Variants in SSBP3 observed in about 807,000 individuals in gnomAD.
SSBP3 encodes single stranded DNA binding protein 3, also known as single-stranded DNA-binding protein 3.
SSBP3 carries 5 observed loss-of-function variants against 69.6 expected under a neutral mutation model. The ratio of observed to expected loss-of-function variants is 0.07; its 90% CI spans 0.04 to 0.15. The LOEUF is 0.15. Among genes scored for constraint, SSBP3 ranks in the 10% least tolerant of loss-of-function variants. The pLI is 1.00. For missense variants in SSBP3, 312 were observed against 534.0 expected (o/e 0.58, Z 4.10); for synonymous variants, 196 against 193.4 (o/e 1.01, Z -0.11).
chr1:54,405,938 CA>C lies in SSBP3; in HGVS notation c.56+14del. 1 of 1,344,094 alleles carries C rather than the reference CA, an allele frequency of 7.4e-7. No individual in the cohort carries two copies. Among genetic ancestry groups the C allele is most frequent in the Non-Finnish European group, 9.7e-7 (1 of 1,030,354 alleles). 83.3% of individuals were successfully genotyped at this position (1,344,094 alleles called of 1,614,324 possible). A position where few individuals can be genotyped will look rare whatever the true frequency, so the allele number is the denominator to read the frequency against. ...CCGGCGGCGGCGCGGCCGCCACTTG[CA>C]AAATAGGGCTTACTTTTCCCGAGCC... On this transcript the variant is annotated intron_variant, in intron 1 of 17. Transcript: ENST00000610401.
At chr1:54,352,078 T>G (rs114222048) in intron 4 of SSBP3, among the ~76,000 whole-genome samples, 7,278 of 152,116 alleles carry the variant, frequency 0.048, 330 homozygotes, top group East Asian at 0.15. Context: ...GGAGGATCCC[T>G]TGAAGCCAGG....
exon 10 of SSBP3, chr1:54,243,282 C>T (rs1462775667): frequency 6.2e-7 from 1 of 1,613,858 alleles, no homozygotes; most frequent in East Asian, 2.2e-5. Context: ...GTGGTGGTCT[C>T]ATGCCGCTGC....
At chr1:54,343,929 G>C (rs1269605938) in intron 4 of SSBP3, among the ~76,000 whole-genome samples, 1 of 152,236 alleles carries the variant, frequency 6.6e-6, no homozygotes, top group African/African-American at 2.4e-5. Context: ...CGGAATTTTA[G>C]AAGAGGACAT....
At chr1:54,358,895 C>T (rs1322202785) in intron 4 of SSBP3, among the ~76,000 whole-genome samples, 1 of 152,152 alleles carries the variant, frequency 6.6e-6, no homozygotes, top group Non-Finnish European at 1.5e-5. Context: ...GGAAACAGGC[C>T]TGGGAACGCA....
chr1:54,267,102 A>C (rs1645115524), intron 5 of SSBP3, among the ~76,000 whole-genome samples: 1 of 152,186 alleles, frequency 6.6e-6, no homozygotes, highest in Non-Finnish European at 1.5e-5. Context: ...TTCACAAAGA[A>C]TTAGATCCTC....
chr1:54,319,123 G>A (rs1557527697), intron 4 of SSBP3, among the ~76,000 whole-genome samples: 1 of 152,216 alleles, frequency 6.6e-6, no homozygotes. Context: ...GGGACCTGCA[G>A]GTGCTTCTAC....
chr1:54,393,498 T>C (rs1172275756), intron 4 of SSBP3, among the ~76,000 whole-genome samples: 1 of 151,904 alleles, frequency 6.6e-6, no homozygotes, highest in Non-Finnish European at 1.5e-5. Context: ...GTAAGAAAAA[T>C]GACAGCACAG....
intron 11 of SSBP3, 38 bp downstream of exon 11, chr1:54,242,126 C>T (rs1644650100): frequency 6.2e-7 from 1 of 1,610,768 alleles, no homozygotes; most frequent in Non-Finnish European, 8.5e-7. Flanking sequence ...AGAACCGCTC[C>T]CCTGACAAAC....
intron 4 of SSBP3, among the ~76,000 whole-genome samples, chr1:54,325,990 C>CA (rs1282292328): frequency 6.8e-6 from 1 of 146,282 alleles, no homozygotes; most frequent in African/African-American, 2.5e-5. Flanking sequence ...GTCACACCTT[C>CA]ATGTGATGGC....
At chr1:54,299,338 C>G (rs775270431) in intron 4 of SSBP3, among the ~76,000 whole-genome samples, 1 of 152,154 alleles carries the variant, frequency 6.6e-6, no homozygotes, top group African/African-American at 2.4e-5. Context: ...GCGGCAGTCA[C>G]GGGGGCGTGC....
intron 5 of SSBP3, among the ~76,000 whole-genome samples, chr1:54,271,838 C>CA (rs1376548532): frequency 7.2e-5 from 11 of 152,112 alleles, no homozygotes; most frequent in Admixed American, 7.2e-4. Context: ...GGTGTGATTT[C>CA]AGCTCACTGC....
At chr1:54,295,125 T>C (rs1645682734) in intron 4 of SSBP3, among the ~76,000 whole-genome samples, 1 of 151,996 alleles carries the variant, frequency 6.6e-6, no homozygotes, top group South Asian at 2.1e-4. Flanking sequence ...AGTCCCTCAC[T>C]TGACATGAAA....
At chr1:54,350,176 C>T (rs1023795482) in intron 4 of SSBP3, among the ~76,000 whole-genome samples, 2 of 151,984 alleles carry the variant, frequency 1.3e-5, no homozygotes, top group Non-Finnish European at 2.9e-5. Flanking sequence ...AAGCCTTCAC[C>T]GCTGCTTCCT....
intron 4 of SSBP3, among the ~76,000 whole-genome samples, chr1:54,288,076 A>T (rs118019500): frequency 0.011 from 1,602 of 152,280 alleles, 18 homozygotes; most frequent in East Asian, 0.063. Context: ...CAAGCTACAA[A>T]AAGCTTCTTG....
intron 5 of SSBP3, among the ~76,000 whole-genome samples, chr1:54,259,174 C>G (rs573671302): frequency 1.3e-5 from 2 of 152,082 alleles, no homozygotes; most frequent in Admixed American, 1.3e-4. Flanking sequence ...CCCTACCCCG[C>G]CCCAGAAGAC....
intron 4 of SSBP3, among the ~76,000 whole-genome samples, chr1:54,302,509 A>G (rs1404705653): frequency 6.6e-6 from 1 of 152,010 alleles, no homozygotes. Context: ...ATGGGGTTTC[A>G]TCATGTTGGC....
intron 4 of SSBP3, among the ~76,000 whole-genome samples, chr1:54,314,754 T>C (rs989251878): frequency 2.6e-5 from 4 of 152,142 alleles, no homozygotes; most frequent in Admixed American, 2.0e-4. Flanking sequence ...GCTGCCTAGT[T>C]AAGACAGTGA....
At chr1:54,299,472 C>T (rs973031243) in intron 4 of SSBP3, among the ~76,000 whole-genome samples, 1 of 151,268 alleles carries the variant, frequency 6.6e-6, no homozygotes, top group African/African-American at 2.4e-5. Context: ...TCTTACTCCA[C>T]CACGCTGTCG....
chr1:54,378,811 A>G (rs1022708433), intron 4 of SSBP3, among the ~76,000 whole-genome samples: 6 of 152,198 alleles, frequency 3.9e-5, no homozygotes, highest in African/African-American at 1.4e-4. Flanking sequence ...GGCTGGGACA[A>G]AGGGGACAAG....
Sources: allele counts gnomAD v4.1 joint callset (sites outside exome capture counted in the v4.1 genomes callset), GRCh38; gene constraint gnomAD v4.1.1; transcripts MANE v1.5; gene names NCBI Gene and HGNC (gene_info 2026-07-23, HGNC 2026-07-21).